CCNYL1: variants seen among roughly 807,000 people sequenced by gnomAD.
The protein encoded by CCNYL1 is cyclin Y like 1, also known as cyclin-Y-like protein 1.
CCNYL1 carries 16 observed loss-of-function variants against 44.2 expected under a neutral mutation model. The observed-to-expected ratio is 0.36, with a 90% CI of 0.25 to 0.55. The LOEUF is 0.55. CCNYL1 is among the 20% of genes least tolerant of loss of function. CCNYL1 has a pLI of 0.85. For synonymous variants in CCNYL1, 159 were observed against 163.2 expected, an observed-to-expected ratio of 0.97 and a Z score of 0.20; for missense variants, 348 against 451.8, an observed-to-expected ratio of 0.77 and a Z score of 2.08.
chr2:207,752,403 G>T lies in CCNYL1; in HGVS notation c.970-1185G>T, dbSNP rs372176790. 1.8e-4 allele frequency among the ~76,000 whole-genome samples: 28 copies of T among 152,016 alleles called. No homozygotes were observed. The East Asian group carries it at 5.5e-3, about 30-fold the overall frequency. ...CTAAAAATTCAAAAATTAGCCGGGCGTGGTGGCAGACGCCCAGTTACTCAG... is the reference window on the plus strand; with the variant it reads ...CTAAAAATTCAAAAATTAGCCGGGCTTGGTGGCAGACGCCCAGTTACTCAG... On this transcript the variant is annotated intron_variant, in intron 9 of 9. Coordinates refer to ENST00000295414, the MANE Select transcript of CCNYL1 (RefSeq NM_001330218.2).
rs2091852883 is a variant in CCNYL1 at position 207,746,078 on chromosome 2, A to G, written c.640-969A>G. On this transcript the variant is annotated intron_variant, in intron 7 of 9. Coordinates refer to ENST00000295414, the MANE Select transcript of CCNYL1 (RefSeq NM_001330218.2). ...TTGAAGGATGTTTGGTAGATGTAAA[A>G]TAATTCATGAAATTGTCTCATAAAC... Among the ~76,000 whole-genome samples, 3 of 152,224 alleles carry G rather than the reference A, an allele frequency of 2.0e-5. No individual in the cohort carries two copies. In the South Asian group the frequency reaches 6.2e-4, roughly 32 times the overall value.
intron 3 of CCNYL1, among the ~76,000 whole-genome samples, chr2:207,731,021 A>T (rs1476343445): frequency 6.6e-6 from 1 of 152,192 alleles, no homozygotes; most frequent in Non-Finnish European, 1.5e-5. Context: ...TTTAGTTATA[A>T]TAAGCATATT....
At chr2:207,724,175 T>A (rs974329154) in intron 1 of CCNYL1, among the ~76,000 whole-genome samples, 1 of 152,094 alleles carries the variant, frequency 6.6e-6, no homozygotes, top group Non-Finnish European at 1.5e-5. Context: ...AAGTGAGAAA[T>A]TGAGGGCAAA....
rs530412587 is a variant in CCNYL1 at position 207,728,411 on chromosome 2, G to A, written c.330+1535G>A. 3.9e-5 allele frequency among the ~76,000 whole-genome samples: 6 copies of A among 152,142 alleles called. No homozygotes were observed. The South Asian group carries it at 1.2e-3, about 32-fold the overall frequency. On this transcript the variant is annotated intron_variant, in intron 3 of 9. Coordinates refer to ENST00000295414, the MANE Select transcript of CCNYL1 (RefSeq NM_001330218.2). Reference sequence around the variant, plus strand: ...CCATCTCAGCCTTCCGAGTAACTGGGACTACAGGCATGTGCCACTATGTCC... The same window carrying A: ...CCATCTCAGCCTTCCGAGTAACTGGAACTACAGGCATGTGCCACTATGTCC...
chr2:207,716,669 C>A (rs933148414), intron 1 of CCNYL1, among the ~76,000 whole-genome samples: 3 of 152,148 alleles, frequency 2.0e-5, no homozygotes, highest in African/African-American at 7.2e-5. Flanking sequence ...GGCATCTTTT[C>A]TAGTAACATC....
rs1256431147 is a variant in CCNYL1, at chr2:207,754,408, A to C, written c.*710A>C. ...CATGTTGCATTTCTTGTGAACTATA[A>C]ATGGTGCTTCTCATTTTCTGATAAT... is the stretch of plus-strand genomic sequence containing the variant. On this transcript the variant is annotated 3_prime_UTR_variant, in exon 10 of 10. Coordinates refer to ENST00000295414, the MANE Select transcript of CCNYL1 (RefSeq NM_001330218.2). 6.6e-6 allele frequency: 1 copy of C among 152,624 alleles called. No homozygotes were observed. The highest frequency in any genetic ancestry group is 1.5e-5 in the Non-Finnish European group (1 of 68,046). 9.5% of individuals were successfully genotyped at this position (152,624 alleles called of 1,614,324 possible). A position where few individuals can be genotyped will look rare whatever the true frequency, so the allele number is the denominator to read the frequency against.
chr2:207,727,579 T>C (rs2091690370), intron 3 of CCNYL1, among the ~76,000 whole-genome samples: 1 of 152,214 alleles, frequency 6.6e-6, no homozygotes, highest in Admixed American at 6.5e-5. Context: ...TTGGCTGTTT[T>C]CTAACAGCTA....
intron 7 of CCNYL1, among the ~76,000 whole-genome samples, 192 bp downstream of exon 7, chr2:207,742,534 CATCACAGAACAGT>C (rs2091819377): frequency 6.6e-6 from 1 of 152,184 alleles, no homozygotes; most frequent in African/African-American, 2.4e-5. Context: ...TTGCTTTTCT[CATCACAGAACAGT>C]TGCTACAAAA....
chr2:207,712,212 T>A, intron 1 of CCNYL1, 96 bp downstream of exon 1: 1 of 1,043,130 alleles, frequency 9.6e-7, no homozygotes, highest in Non-Finnish European at 1.4e-6. Context: ...TCGGGCTCCT[T>A]CCTGCCGGTA....
intron 7 of CCNYL1, among the ~76,000 whole-genome samples, chr2:207,746,200 G>A (rs2091854128): frequency 6.6e-6 from 1 of 152,200 alleles, no homozygotes; most frequent in African/African-American, 2.4e-5. Context: ...ATATTTTACA[G>A]CCTAAAGACC....
chr2:207,720,187 C>CAAACA (rs2091629828), intron 1 of CCNYL1, among the ~76,000 whole-genome samples: 1 of 57,902 alleles, frequency 1.7e-5, no homozygotes, highest in Admixed American at 2.4e-4. Flanking sequence ...GACTCCGTCT[C>CAAACA]AAAAAAAAAA....
At chr2:207,713,293 C>T (rs1425468986) in intron 1 of CCNYL1, among the ~76,000 whole-genome samples, 3 of 152,124 alleles carry the variant, frequency 2.0e-5, no homozygotes, top group East Asian at 1.9e-4. Context: ...TAAATTTAGA[C>T]TTAATTTATA....
intron 1 of CCNYL1, among the ~76,000 whole-genome samples, chr2:207,722,692 G>A (rs1447784920): frequency 1.3e-5 from 2 of 152,144 alleles, no homozygotes; most frequent in African/African-American, 4.8e-5. Flanking sequence ...TGGGTGTGGT[G>A]GCTCACGCCT....
intron 3 of CCNYL1, among the ~76,000 whole-genome samples, chr2:207,731,410 G>A (rs1467659577): frequency 6.6e-6 from 1 of 152,104 alleles, no homozygotes. Flanking sequence ...GTTAAAGATT[G>A]TCATTTGTGC....
chr2:207,732,154 A>AT (rs942068106), intron 3 of CCNYL1, among the ~76,000 whole-genome samples: 9 of 151,996 alleles, frequency 5.9e-5, no homozygotes, highest in African/African-American at 1.7e-4. Context: ...GTCAGTTTTT[A>AT]TTTTTTATAC....
At chr2:207,725,001 C>T (rs2091669429) in intron 2 of CCNYL1, 127 bp downstream of exon 2, 1 of 677,604 alleles carries the variant, frequency 1.5e-6, no homozygotes, top group Non-Finnish European at 2.5e-6. Context: ...CATATGTTCA[C>T]TGATTTTAAT....
At chr2:207,736,258 T>G (rs1321300509) in intron 4 of CCNYL1, among the ~76,000 whole-genome samples, 1 of 152,242 alleles carries the variant, frequency 6.6e-6, no homozygotes, top group Non-Finnish European at 1.5e-5. Context: ...TGTTACAGAC[T>G]TTTTAAAAAA....
intron 5 of CCNYL1, among the ~76,000 whole-genome samples, chr2:207,738,077 T>A (rs1209263975): frequency 6.6e-6 from 1 of 152,202 alleles, no homozygotes; most frequent in Non-Finnish European, 1.5e-5. Context: ...ATTACGTGGC[T>A]AATAGTGCAC....
chr2:207,718,226 A>G (rs1322603719), intron 1 of CCNYL1, among the ~76,000 whole-genome samples: 2 of 152,146 alleles, frequency 1.3e-5, no homozygotes, highest in African/African-American at 4.8e-5. Context: ...TGTTTAAGAA[A>G]AAGATCAGAC....
Sources: gnomAD v4.1 joint callset for allele counts (sites outside exome capture counted in the v4.1 genomes callset) on GRCh38, gnomAD v4.1.1 for gene constraint, MANE v1.5 for transcripts, NCBI Gene and HGNC (gene_info 2026-07-23, HGNC 2026-07-21) for gene names.